FBN1: variants seen among roughly 807,000 people sequenced by gnomAD.
The protein encoded by FBN1 is fibrillin-1.
Under a neutral mutation model 365.1 loss-of-function variants are expected in FBN1, and 29 were observed. The ratio of observed to expected loss-of-function variants is 0.08; its 90% CI spans 0.06 to 0.11. The LOEUF is 0.11. FBN1 is among the 10% of genes least tolerant of loss of function. The pLI is 1.00. For missense variants in FBN1, 2,476 were observed against 3,703.2 expected (o/e 0.67, Z 8.60); for synonymous variants, 1,210 against 1,270.5 (o/e 0.95, Z 1.01).
intron 15 of FBN1, among the ~76,000 whole-genome samples, chr15:48,506,088 T>C (rs986395052): frequency 7.2e-5 from 11 of 152,226 alleles, no homozygotes; most frequent in Non-Finnish European, 1.2e-4. Context: ...CTGGGCATGA[T>C]GGCATGCGGC....
intron 2 of FBN1, 140 bp from the exon 3 acceptor site, chr15:48,613,232 A>G: frequency 1.4e-6 from 1 of 697,008 alleles, no homozygotes; most frequent in South Asian, 1.6e-5. Flanking sequence ...CATGAGACTC[A>G]ATGCTGGGTT....
chr15:48,483,263 G>C (rs2043479794), intron 31 of FBN1, among the ~76,000 whole-genome samples: 1 of 152,278 alleles, frequency 6.6e-6, no homozygotes, highest in African/African-American at 2.4e-5. Context: ...AGGAATGATT[G>C]AACTTATGCA....
At chr15:48,503,687 G>C (rs975819014) in intron 17 of FBN1, 100 bp downstream of exon 17, 46 of 1,529,012 alleles carry the variant, frequency 3.0e-5, no homozygotes, top group Middle Eastern at 2.3e-4. Context: ...GGCGTACCTG[G>C]AGAGCAAAAT....
intron 34 of FBN1, 40 bp from the exon 35 acceptor site, chr15:48,472,716 A>G: frequency 6.2e-7 from 1 of 1,614,056 alleles, no homozygotes; most frequent in South Asian, 1.1e-5. Context: ...TTCCTCGGTT[A>G]GGGGCTTTCT....
chr15:48,498,933 G>T (rs2043632191), intron 18 of FBN1, 52 bp downstream of exon 18: 1 of 1,548,616 alleles, frequency 6.5e-7, no homozygotes, highest in Non-Finnish European at 8.9e-7. Flanking sequence ...AAGAAAGCCT[G>T]ATGCTGCCTC....
At chr15:48,613,207 C>G (rs1472813244) in intron 2 of FBN1, 115 bp from the exon 3 acceptor site, 2 of 778,484 alleles carry the variant, frequency 2.6e-6, no homozygotes, top group South Asian at 1.5e-5. Context: ...TCCTGGCAGA[C>G]AGATAAAGCA....
At chr15:48,412,532 C>G (rs768286378) in intron 65 of FBN1, 37 bp downstream of exon 65, 1 of 1,610,792 alleles carries the variant, frequency 6.2e-7, no homozygotes, top group South Asian at 1.1e-5. Context: ...GGCTTTCCAC[C>G]ACAGGAGACA....
At position 48,487,416 on chromosome 15, in the gene FBN1, T is replaced by A. The variant is rs1183556572; in HGVS notation, c.3359A>T (p.Asp1120Val). ...AACACCACCTCGGCATAGGAGAGGA[T>A]CTCTCTGACACTCATCAATATCTGC... ...NCMDIDECQR[D>V]PLLCRGGVCH... The change falls in exon 28 of 66, where the codon GAT (aspartate) becomes GTT (valine). Residue 1120 changes from aspartate (D) to valine (V), a missense_variant. Transcript: ENST00000316623. 11 of 1,613,912 alleles carry A rather than the reference T, an allele frequency of 6.8e-6. No homozygotes were observed. In the African/African-American group the frequency reaches 1.2e-4, roughly 18 times the overall value.
At chr15:48,534,333 A>G (rs559721286) in intron 7 of FBN1, 128 bp from the exon 8 acceptor site, 4 of 915,490 alleles carry the variant, frequency 4.4e-6, no homozygotes, top group East Asian at 2.5e-5. Flanking sequence ...GTCCATCACA[A>G]TATTTGGAAT....
At chr15:48,436,678 G>T (rs2043074308) in intron 53 of FBN1, among the ~76,000 whole-genome samples, 1 of 152,108 alleles carries the variant, frequency 6.6e-6, no homozygotes, top group Non-Finnish European at 1.5e-5. Flanking sequence ...GTCCTTTCTA[G>T]TATCTCTTCT....
In FBN1 at chr15:48,456,778, T is replaced by G; in HGVS notation, c.5297-16A>C. 6.2e-7 allele frequency: 1 copy of G among 1,611,620 alleles called. No individual in the cohort carries two copies. Among genetic ancestry groups the G allele is most frequent in the Non-Finnish European group, 8.5e-7 (1 of 1,178,996 alleles). Reference sequence around the variant, plus strand: ...TCATCAATATCTAGAGACAGAGTAGTCATTCATGAGTGACAGGACAGCACA... The same window carrying G: ...TCATCAATATCTAGAGACAGAGTAGGCATTCATGAGTGACAGGACAGCACA... On this transcript the variant is annotated splice_polypyrimidine_tract_variant and intron_variant, in intron 43 of 65. Transcript: ENST00000316623.
At chr15:48,547,534 T>C (rs564527870) in intron 6 of FBN1, among the ~76,000 whole-genome samples, 53 of 152,298 alleles carry the variant, frequency 3.5e-4, no homozygotes, top group Non-Finnish European at 5.3e-4. Flanking sequence ...AGTTCAGCCA[T>C]TATTAACCAC....
intron 6 of FBN1, among the ~76,000 whole-genome samples, chr15:48,592,835 C>G (rs1252827059): frequency 6.6e-6 from 1 of 152,136 alleles, no homozygotes; most frequent in African/African-American, 2.4e-5. Flanking sequence ...CTATGACAAA[C>G]TAGAAGATGT....
chr15:48,414,752 C>T (rs755949912), intron 64 of FBN1, among the ~76,000 whole-genome samples: 12 of 151,968 alleles, frequency 7.9e-5, no homozygotes, highest in African/African-American at 1.7e-4. Flanking sequence ...AAAAATTAGC[C>T]GGGCGTGGTG....
At chr15:48,440,297 G>C (rs1427177715) in intron 50 of FBN1, among the ~76,000 whole-genome samples, 1 of 152,204 alleles carries the variant, frequency 6.6e-6, no homozygotes, top group Non-Finnish European at 1.5e-5. Context: ...TGGCAGGGCT[G>C]CTCACAGCTG....
chr15:48,560,870 C>T (rs956152104), intron 6 of FBN1, among the ~76,000 whole-genome samples: 21 of 152,152 alleles, frequency 1.4e-4, no homozygotes, highest in Non-Finnish European at 2.5e-4. Flanking sequence ...TGTCCCACCC[C>T]TGTGTGACCC....
In FBN1 at chr15:48,556,860, T is replaced by G. The variant is rs188002843; in HGVS notation, c.539-19052A>C. Among the ~76,000 whole-genome samples, 20 of 152,328 alleles carry G rather than the reference T, an allele frequency of 1.3e-4. No homozygotes were observed. The East Asian group carries it at 3.9e-3, about 29-fold the overall frequency. Reference sequence around the variant, plus strand: ...CCTGTAATTGTCTCAAGCACATATTTTTTATCAGTGATATTTTTAAAAGCA... The same window carrying G: ...CCTGTAATTGTCTCAAGCACATATTGTTTATCAGTGATATTTTTAAAAGCA... On this transcript the variant is annotated intron_variant, in intron 6 of 65. Coordinates refer to ENST00000316623, the MANE Select transcript of FBN1 (RefSeq NM_000138.5).
At chr15:48,613,322 TAA>T (rs1412532606) in intron 2 of FBN1, among the ~76,000 whole-genome samples, 2 of 152,030 alleles carry the variant, frequency 1.3e-5, no homozygotes, top group Non-Finnish European at 2.9e-5. Context: ...ATCAGGGAAA[TAA>T]AAACCAGAGA....
Position 48,410,889 on chromosome 15 carries a change from A to C in FBN1, c.*101T>G. 8.5e-7 allele frequency: 1 copy of C among 1,175,446 alleles called. No individual in the cohort carries two copies. The highest frequency in any genetic ancestry group is 1.2e-6 in the Non-Finnish European group (1 of 821,340). The allele number at this position is 1,175,446 out of a possible 1,614,324, so 72.8% of individuals were successfully genotyped here. A position where few individuals can be genotyped will look rare whatever the true frequency, so the allele number is the denominator to read the frequency against. ...CTTATTTATACAAATTTACTTGGTG[A>C]AAGATTGTACCTATGATATGATGAT... On this transcript the variant is annotated 3_prime_UTR_variant, in exon 66 of 66. Transcript: ENST00000316623.
Sources: allele counts gnomAD v4.1 joint callset (sites outside exome capture counted in the v4.1 genomes callset), GRCh38; gene constraint gnomAD v4.1.1; transcripts MANE v1.5; gene names NCBI Gene and HGNC (gene_info 2026-07-23, HGNC 2026-07-21).